ZNG1E: variants seen among roughly 807,000 people sequenced by gnomAD.
ZNG1E encodes Zn regulated GTPase metalloprotein activator 1E, also known as zinc-regulated GTPase metalloprotein activator 1E.
chr9:65,675,684 C>T, the ZNG1E span: 2 of 583,796 alleles, frequency 3.4e-6, 1 homozygote, highest in African/African-American at 4.1e-5. Flanking sequence ...CACCTTCAGA[C>T]AGGTGGTTAG....
At chr9:65,662,590 C>T in the ZNG1E span, among the ~76,000 whole-genome samples, 1 of 151,998 alleles carries the variant, frequency 6.6e-6, no homozygotes, top group African/African-American at 2.4e-5. Context: ...GAAGTTTTCT[C>T]TTTCAGCTGG....
At chr9:65,715,258 G>A in the ZNG1E span, among the ~76,000 whole-genome samples, 15 of 145,518 alleles carry the variant, frequency 1.0e-4, no homozygotes, top group East Asian at 2.0e-4. Flanking sequence ...GCTTCGGCTC[G>A]CGGATGGAGC....
the ZNG1E span, among the ~76,000 whole-genome samples, chr9:65,724,238 C>CA: frequency 2.6e-5 from 4 of 151,268 alleles, no homozygotes; most frequent in Non-Finnish European, 5.9e-5. Context: ...TCTTGAGCCC[C>CA]ATGATGCGTT....
chr9:65,709,309 T>C, the ZNG1E span, among the ~76,000 whole-genome samples: 1 of 151,300 alleles, frequency 6.6e-6, no homozygotes, highest in Non-Finnish European at 1.5e-5. Context: ...CTTCACTTTA[T>C]TTTTTTATTT....
At chr9:65,661,761 G>T in the ZNG1E span, among the ~76,000 whole-genome samples, 1 of 152,220 alleles carries the variant, frequency 6.6e-6, no homozygotes, top group East Asian at 1.9e-4. Context: ...CTAAGCTAAA[G>T]AGATTAATTG....
the ZNG1E span, chr9:65,704,903 T>C: frequency 2.2e-5 from 1 of 45,466 alleles, no homozygotes; most frequent in Non-Finnish European, 4.2e-5. Context: ...AGAGCGAGAC[T>C]CTGTCTCAAA....
chr9:65,684,548 A>ACACGCACACG, the ZNG1E span, among the ~76,000 whole-genome samples: 5 of 66,836 alleles, frequency 7.5e-5, no homozygotes, highest in African/African-American at 1.7e-4. Context: ...ACACACACGC[A>ACACGCACACG]CGCACACACA....
the ZNG1E span, among the ~76,000 whole-genome samples, chr9:65,678,840 T>G: frequency 7.3e-6 from 1 of 137,576 alleles, no homozygotes; most frequent in Non-Finnish European, 1.5e-5. Flanking sequence ...ATAGTCAGCC[T>G]GAAGTTGCGT....
chr9:65,668,533 A>ATATAATATATGTGTGTGTATG, the ZNG1E span, among the ~76,000 whole-genome samples: 1 of 150,740 alleles, frequency 6.6e-6, no homozygotes, highest in South Asian at 2.1e-4. Context: ...ATGTGTGTGT[A>ATATAATATATGTGTGTGTATG]TATATATTTT....
chr9:65,658,562 G>T, the ZNG1E span, among the ~76,000 whole-genome samples: 3 of 151,026 alleles, frequency 2.0e-5, no homozygotes, highest in East Asian at 3.9e-4. Context: ...TTCTCAGATT[G>T]TAAGAGACTA....
At chr9:65,732,845 A>T in the ZNG1E span, 23 of 1,536,792 alleles carry the variant, frequency 1.5e-5, 2 homozygotes, top group African/African-American at 3.2e-4. Flanking sequence ...TAATTCACAA[A>T]TAATTGAAAT....
At chr9:65,659,861 AGACTTTAGG>A in the ZNG1E span, among the ~76,000 whole-genome samples, 16 of 151,540 alleles carry the variant, frequency 1.1e-4, no homozygotes, top group East Asian at 3.1e-3. Context: ...TAAGCCACTA[AGACTTTAGG>A]GATATGTTGC....
the ZNG1E span, among the ~76,000 whole-genome samples, chr9:65,678,130 C>A: frequency 6.7e-6 from 1 of 149,582 alleles, no homozygotes; most frequent in Non-Finnish European, 1.5e-5. Flanking sequence ...GGTTAAAAAG[C>A]CCTAGTAAAT....
the ZNG1E span, among the ~76,000 whole-genome samples, chr9:65,658,547 A>G: frequency 6.6e-6 from 1 of 151,636 alleles, no homozygotes; most frequent in Admixed American, 6.6e-5. Flanking sequence ...ATCCAAGGAC[A>G]TGAGTTCTCA....
At chr9:65,691,671 C>T in the ZNG1E span, among the ~76,000 whole-genome samples, 2 of 152,330 alleles carry the variant, frequency 1.3e-5, no homozygotes, top group East Asian at 3.9e-4. Flanking sequence ...TATTTTTATC[C>T]TCCAGGCAAT....
At chr9:65,673,822 A>G in the ZNG1E span, among the ~76,000 whole-genome samples, 1 of 152,292 alleles carries the variant, frequency 6.6e-6, no homozygotes, top group Non-Finnish European at 1.5e-5. Context: ...AGAAAGAGGG[A>G]TTTTAGTATA....
chr9:65,672,260 T>A, the ZNG1E span, among the ~76,000 whole-genome samples: 2 of 147,084 alleles, frequency 1.4e-5, no homozygotes, highest in Admixed American at 1.4e-4. Context: ...GCTCAAAACA[T>A]TACTATTGTT....
chr9:65,659,551 T>G, the ZNG1E span, among the ~76,000 whole-genome samples: 2 of 151,104 alleles, frequency 1.3e-5, no homozygotes, highest in Non-Finnish European at 2.9e-5. Flanking sequence ...ATTCTCAACT[T>G]CACTGTGTCA....
the ZNG1E span, among the ~76,000 whole-genome samples, chr9:65,658,157 T>TAAAAGTA: frequency 6.7e-6 from 1 of 149,054 alleles, no homozygotes; most frequent in Non-Finnish European, 1.5e-5. Context: ...TATGTACCAA[T>TAAAAGTA]AAAAGTAAAA....
Sources: allele counts gnomAD v4.1 joint callset (sites outside exome capture counted in the v4.1 genomes callset), GRCh38; gene constraint gnomAD v4.1.1; transcripts MANE v1.5; gene names NCBI Gene and HGNC (gene_info 2026-07-23, HGNC 2026-07-21).